The following CCSER1 variants were observed in gnomAD, a reference collection of about 807,000 sequenced individuals.
The protein encoded by CCSER1 is serine-rich coiled-coil domain-containing protein 1.
CCSER1 carries 41 observed loss-of-function variants against 82.0 expected under a neutral mutation model. The observed-to-expected ratio is 0.50, with a 90% CI of 0.39 to 0.65. CCSER1 has a LOEUF of 0.65. Among genes scored for constraint, CCSER1 ranks in the 30% least tolerant of loss-of-function variants. CCSER1 has a pLI of 0.00. For missense variants in CCSER1, 1,119 were observed against 1,064.2 expected, an observed-to-expected ratio of 1.05 and a Z score of -0.72; for synonymous variants, 414 against 383.9, an observed-to-expected ratio of 1.08 and a Z score of -0.92.
chr4:90,978,603 C>A lies in CCSER1; in HGVS notation c.2172+55156C>A, dbSNP rs563698200. Among the ~76,000 whole-genome samples the A allele has an allele frequency of 7.2e-5, 11 of 151,744 alleles. No homozygotes were observed. The South Asian group carries it at 2.3e-3, about 31-fold the overall frequency. On this transcript the variant is annotated intron_variant, in intron 9 of 10. Transcript: ENST00000509176. ...CTCAATATGAAAATAATAAATAATT[C>A]TGTAGACTGAATAAAAATGAATCAG...
chr4:91,262,839 G>T (rs1476082736), intron 10 of CCSER1, among the ~76,000 whole-genome samples: 2 of 147,268 alleles, frequency 1.4e-5, no homozygotes, highest in Non-Finnish European at 3.0e-5. Context: ...TAAACATGAG[G>T]CTCTTATCAT....
chr4:91,184,428 A>G (rs1734336011), intron 10 of CCSER1, among the ~76,000 whole-genome samples: 1 of 152,222 alleles, frequency 6.6e-6, no homozygotes, highest in South Asian at 2.1e-4. Context: ...TTATAGCAGG[A>G]GAAGGCAATC....
intron 10 of CCSER1, among the ~76,000 whole-genome samples, chr4:91,188,118 C>T (rs1734716656): frequency 6.6e-6 from 1 of 151,928 alleles, no homozygotes; most frequent in Non-Finnish European, 1.5e-5. Flanking sequence ...TTAAAAATAT[C>T]TACCACGATT....
chr4:90,446,874 T>A (rs1169345267), intron 4 of CCSER1, among the ~76,000 whole-genome samples: 3 of 152,196 alleles, frequency 2.0e-5, no homozygotes, highest in Non-Finnish European at 2.9e-5. Context: ...GGATGAAGAC[T>A]TTTATGATGA....
intron 5 of CCSER1, among the ~76,000 whole-genome samples, chr4:90,501,223 T>G (rs1159390880): frequency 6.6e-6 from 1 of 152,210 alleles, no homozygotes; most frequent in African/African-American, 2.4e-5. Context: ...CACAGGAATT[T>G]CACTTGAAAA....
intron 10 of CCSER1, among the ~76,000 whole-genome samples, chr4:91,342,427 A>T (rs527742546): frequency 6.6e-6 from 1 of 152,298 alleles, no homozygotes; most frequent in African/African-American, 2.4e-5. Context: ...AAGTGCTAAT[A>T]CCTTGGAAAG....
intron 10 of CCSER1, among the ~76,000 whole-genome samples, chr4:91,233,235 T>C (rs1738758716): frequency 6.6e-6 from 1 of 151,924 alleles, no homozygotes; most frequent in South Asian, 2.1e-4. Flanking sequence ...AATTTTGTAC[T>C]CACTTATTGA....
intron 10 of CCSER1, among the ~76,000 whole-genome samples, chr4:91,326,894 T>C (rs1609322): frequency 0.77 from 116,572 of 152,070 alleles, 45,156 homozygotes; most frequent in East Asian, 0.88. Context: ...TCAAACTAAC[T>C]TCCTCTGACT....
chr4:91,159,032 C>T (rs1731108026), intron 10 of CCSER1, among the ~76,000 whole-genome samples: 1 of 151,924 alleles, frequency 6.6e-6, no homozygotes, highest in Non-Finnish European at 1.5e-5. Flanking sequence ...CAGCTCGGAT[C>T]ATATTTCTCC....
At chr4:91,482,578 G>A (rs1398467562) in intron 10 of CCSER1, among the ~76,000 whole-genome samples, 10 of 152,098 alleles carry the variant, frequency 6.6e-5, no homozygotes, top group Non-Finnish European at 1.3e-4. Context: ...ATTTGACCCA[G>A]CCATCCCATT....
intron 10 of CCSER1, among the ~76,000 whole-genome samples, chr4:91,521,811 T>A (rs1036359038): frequency 2.0e-5 from 3 of 152,202 alleles, no homozygotes; most frequent in African/African-American, 7.2e-5. Context: ...TTGCAAAAAT[T>A]TTCTCCCATT....
chr4:90,812,315 C>G (rs1758455889), intron 7 of CCSER1, among the ~76,000 whole-genome samples: 1 of 152,150 alleles, frequency 6.6e-6, no homozygotes, highest in African/African-American at 2.4e-5. Flanking sequence ...TTGGCAACAG[C>G]CTCACAGACA....
At chr4:91,153,552 T>G (rs527563480) in intron 10 of CCSER1, among the ~76,000 whole-genome samples, 6 of 152,036 alleles carry the variant, frequency 3.9e-5, no homozygotes, top group Admixed American at 1.3e-4. Context: ...TTTGTCCTGT[T>G]GCTGGCAAGG....
chr4:90,397,739 T>G (rs75381363), intron 3 of CCSER1, among the ~76,000 whole-genome samples: 3 of 152,170 alleles, frequency 2.0e-5, no homozygotes, highest in Non-Finnish European at 4.4e-5. Flanking sequence ...TTGGCTCATA[T>G]AAGAATCTGG....
intron 5 of CCSER1, among the ~76,000 whole-genome samples, chr4:90,578,575 A>G (rs1781032056): frequency 6.6e-6 from 1 of 152,200 alleles, no homozygotes; most frequent in African/African-American, 2.4e-5. Context: ...TGATATATTT[A>G]AGGACTCATG....
At chr4:91,266,664 G>A (rs1187856341) in intron 10 of CCSER1, among the ~76,000 whole-genome samples, 1 of 152,108 alleles carries the variant, frequency 6.6e-6, no homozygotes, top group African/African-American at 2.4e-5. Context: ...AAATACGCAT[G>A]ACTGAATGGA....
chr4:91,138,675 G>T (rs923970544), intron 10 of CCSER1, among the ~76,000 whole-genome samples: 2 of 119,516 alleles, frequency 1.7e-5, no homozygotes, highest in African/African-American at 6.6e-5. Context: ...GAAAATTTTC[G>T]CAACCTACTC....
intron 5 of CCSER1, among the ~76,000 whole-genome samples, chr4:90,599,308 T>C (rs1783756738): frequency 6.6e-6 from 1 of 151,976 alleles, no homozygotes; most frequent in African/African-American, 2.4e-5. Context: ...AGTGAGGGAG[T>C]TCTCACGAGA....
At chr4:91,078,361 G>T (rs570332808) in intron 9 of CCSER1, among the ~76,000 whole-genome samples, 84 of 152,306 alleles carry the variant, frequency 5.5e-4, no homozygotes, top group Non-Finnish European at 8.2e-4. Flanking sequence ...GCAGCTGAAG[G>T]TCCTGACTGT....
Sources: allele counts gnomAD v4.1 joint callset (sites outside exome capture counted in the v4.1 genomes callset), GRCh38; gene constraint gnomAD v4.1.1; transcripts MANE v1.5; gene names NCBI Gene and HGNC (gene_info 2026-07-23, HGNC 2026-07-21).